The following WDPCP variants were observed in gnomAD, a reference collection of about 807,000 sequenced individuals.
The protein encoded by WDPCP is WD repeat-containing and planar cell polarity effector protein fritz homolog.
Under a neutral mutation model 93.1 loss-of-function variants are expected in WDPCP, and 71 were observed. The observed-to-expected ratio is 0.76, with a 90% CI of 0.63 to 0.93. The LOEUF (loss-of-function observed/expected upper bound fraction) is 0.93, where lower values mean the gene tolerates loss of function less well. WDPCP is among the 40% of genes least tolerant of loss of function. The pLI is 0.00. For missense variants in WDPCP, 844 were observed against 887.4 expected (o/e 0.95, Z 0.62); for synonymous variants, 315 against 315.0 (o/e 1.00, Z 0.00).
chr2:63,234,365 G>A (rs1326861578), intron 14 of WDPCP, among the ~76,000 whole-genome samples: 1 of 152,160 alleles, frequency 6.6e-6, no homozygotes, highest in East Asian at 1.9e-4. Flanking sequence ...GAGGCAGGAT[G>A]ATTGCTTAAG....
At chr2:63,249,523 T>C (rs1680549777) in intron 14 of WDPCP, among the ~76,000 whole-genome samples, 1 of 152,184 alleles carries the variant, frequency 6.6e-6, no homozygotes, top group Non-Finnish European at 1.5e-5. Context: ...GTTTTGGCAA[T>C]ATAACCCCTC....
rs945000617 is a variant in WDPCP at position 63,120,941 on chromosome 2, A to G, written c.*1065T>C. 6.6e-6 allele frequency among the ~76,000 whole-genome samples: 1 copy of G among 152,158 alleles called. No individual in the cohort carries two copies. The highest frequency in any genetic ancestry group is 2.4e-5 in the African/African-American group (1 of 41,444). ...TACTTACTAGCTAACAAGTTACCAC[A>G]CTATAGTTTCATGGATGCTGTTAGA... On this transcript the variant is annotated 3_prime_UTR_variant, in exon 18 of 18. Coordinates refer to ENST00000272321, the MANE Select transcript of WDPCP (RefSeq NM_015910.7).
At chr2:63,176,013 TCATTGTGGTTCAC>T (rs1673778656) in intron 14 of WDPCP, among the ~76,000 whole-genome samples, 1 of 152,194 alleles carries the variant, frequency 6.6e-6, no homozygotes, top group South Asian at 2.1e-4. Context: ...CATACTGTTT[TCATTGTGGTTCAC>T]CATTTTACAA....
At chr2:63,133,574 A>G (rs1670432293) in intron 17 of WDPCP, among the ~76,000 whole-genome samples, 1 of 152,178 alleles carries the variant, frequency 6.6e-6, no homozygotes, top group Admixed American at 6.5e-5. Flanking sequence ...TTCTTATGAT[A>G]GTGAAGAGTT....
intron 2 of WDPCP, among the ~76,000 whole-genome samples, chr2:63,703,644 G>A (rs542961008): frequency 1.9e-4 from 29 of 152,148 alleles, no homozygotes; most frequent in African/African-American, 7.0e-4. Context: ...GCTCTGTTCT[G>A]TTCCATGGGT....
intron 2 of WDPCP, among the ~76,000 whole-genome samples, chr2:63,710,099 T>C (rs1435057563): frequency 6.6e-6 from 1 of 152,214 alleles, no homozygotes; most frequent in Non-Finnish European, 1.5e-5. Context: ...TTTTTGTCCT[T>C]TTCTACCCTG....
chr2:63,124,335 T>C (rs1004460240), intron 17 of WDPCP, among the ~76,000 whole-genome samples: 2 of 152,062 alleles, frequency 1.3e-5, no homozygotes, highest in Non-Finnish European at 2.9e-5. Context: ...TGCTCAGCCT[T>C]GACTGAATGA....
intron 17 of WDPCP, among the ~76,000 whole-genome samples, chr2:63,123,588 A>G (rs1559135694): frequency 6.6e-6 from 1 of 152,126 alleles, no homozygotes; most frequent in Non-Finnish European, 1.5e-5. Flanking sequence ...AAAAGACTTC[A>G]GGGCATTTCC....
intron 13 of WDPCP, among the ~76,000 whole-genome samples, chr2:63,259,744 C>T (rs371736623): frequency 6.6e-6 from 1 of 152,060 alleles, no homozygotes; most frequent in African/African-American, 2.4e-5. Context: ...AAGAGTGTGT[C>T]TTCAAATTTT....
At chr2:63,193,721 A>G (rs943061358) in intron 14 of WDPCP, among the ~76,000 whole-genome samples, 1 of 152,206 alleles carries the variant, frequency 6.6e-6, no homozygotes, top group Non-Finnish European at 1.5e-5. Context: ...GATATTTTAT[A>G]TATAAGCTAA....
chr2:63,355,801 T>C (rs1463970409), intron 12 of WDPCP, among the ~76,000 whole-genome samples: 3 of 152,078 alleles, frequency 2.0e-5, no homozygotes, highest in African/African-American at 7.2e-5. Flanking sequence ...GGCAGGAGAA[T>C]TGCTTGAACC....
chr2:63,529,408 A>G (rs767926478), intron 1 of WDPCP, among the ~76,000 whole-genome samples: 1 of 152,182 alleles, frequency 6.6e-6, no homozygotes, highest in Non-Finnish European at 1.5e-5. Flanking sequence ...TAGTTTATTC[A>G]GAGTTTTTAG....
chr2:63,581,994 TAAA>T (rs748625052), intron 1 of WDPCP, among the ~76,000 whole-genome samples: 3 of 133,926 alleles, frequency 2.2e-5, no homozygotes, highest in African/African-American at 2.8e-5. Flanking sequence ...AACCCTATCT[TAAA>T]AAAAAAAAAA....
intron 14 of WDPCP, among the ~76,000 whole-genome samples, chr2:63,223,279 T>C (rs1677993800): frequency 6.6e-6 from 1 of 152,276 alleles, no homozygotes; most frequent in East Asian, 1.9e-4. Flanking sequence ...GATAATTTCT[T>C]ATACACAGAT....
In WDPCP at chr2:63,533,923, C is replaced by G. The variant is rs780496929; in HGVS notation, c.76-40983G>C. 1.8e-4 allele frequency among the ~76,000 whole-genome samples: 27 copies of G among 152,006 alleles called. 1 individual carries two copies. The highest frequency in any genetic ancestry group is 3.7e-4 in the Non-Finnish European group (25 of 68,012). On this transcript the variant is annotated intron_variant, in intron 1 of 17. Transcript: ENST00000272321. Reference sequence around the variant, plus strand: ...TACAAAAAATCAATAAATGCAGGAGCTGGTTTTCTTGAAAAGATCAACAAA... The same window carrying G: ...TACAAAAAATCAATAAATGCAGGAGGTGGTTTTCTTGAAAAGATCAACAAA...
intron 13 of WDPCP, among the ~76,000 whole-genome samples, chr2:63,293,891 A>G (rs1237955048): frequency 6.6e-6 from 1 of 152,166 alleles, no homozygotes; most frequent in Non-Finnish European, 1.5e-5. Flanking sequence ...GCTGATCAAC[A>G]TATGCAGCAT....
chr2:63,621,327 C>T (rs1200648052), intron 3 of WDPCP, among the ~76,000 whole-genome samples: 1 of 151,790 alleles, frequency 6.6e-6, no homozygotes, highest in Non-Finnish European at 1.5e-5. Context: ...TAGAGAAGAA[C>T]ATAAATGACA....
At chr2:63,162,129 A>G (rs1325395568) in intron 15 of WDPCP, among the ~76,000 whole-genome samples, 1 of 152,114 alleles carries the variant, frequency 6.6e-6, no homozygotes, top group Non-Finnish European at 1.5e-5. Flanking sequence ...AGAGTGGGGA[A>G]TGGGTCTACT....
chr2:63,683,680 C>T lies in WDPCP; in HGVS notation n.309-32842G>A, dbSNP rs183226020. Among the ~76,000 whole-genome samples the T allele has an allele frequency of 3.5e-3, 531 of 152,144 alleles. 2 individuals are homozygous for T. Among genetic ancestry groups the T allele is most frequent in the Non-Finnish European group, 6.1e-3 (417 of 67,990 alleles). On this transcript the variant is annotated intron_variant and non_coding_transcript_variant, in intron 2 of 4. Coordinates refer to the WDPCP transcript ENST00000467687. The stretch of plus-strand genomic sequence containing the variant: ...CCTGGCCAACATGGTGAAAACCCAT[C>T]TCTACTAAATATACAAAAATTAGCT...
Sources: allele counts gnomAD v4.1 joint callset (sites outside exome capture counted in the v4.1 genomes callset), GRCh38; gene constraint gnomAD v4.1.1; transcripts MANE v1.5; gene names NCBI Gene and HGNC (gene_info 2026-07-23, HGNC 2026-07-21).